MTBP: variants seen among roughly 807,000 people sequenced by gnomAD.
MTBP encodes the protein MDM2 binding protein, also known as mdm2-binding protein.
MTBP carries 101 observed loss-of-function variants against 117.0 expected under a neutral mutation model. That is an observed-to-expected ratio of 0.86 (90% confidence interval 0.73 to 1.02). MTBP has a LOEUF of 1.02. Ranked by LOEUF, MTBP falls within the 50% of genes least tolerant of loss-of-function variation. The pLI is 0.00. For missense variants in MTBP, 970 were observed against 1,030.9 expected (o/e 0.94, Z 0.81); for synonymous variants, 350 against 351.5 (o/e 1.00, Z 0.05).
intron 18 of MTBP, among the ~76,000 whole-genome samples, chr8:120,517,522 A>G (rs759855064): frequency 9.9e-5 from 15 of 152,096 alleles, no homozygotes; most frequent in Admixed American, 6.6e-5. Flanking sequence ...GAACTAAGGA[A>G]CAACTTTATA....
At chr8:120,522,306 C>G (rs111892292) in intron 20 of MTBP, among the ~76,000 whole-genome samples, 9 of 99,584 alleles carry the variant, frequency 9.0e-5, no homozygotes, top group East Asian at 3.2e-4. Flanking sequence ...GAGAGTAATG[C>G]AGCATTAGTG....
Position 120,488,314 on chromosome 8 carries a change from A to G in MTBP, c.1321A>G (p.Thr441Ala), listed in dbSNP as rs73705079. The change falls in exon 12 of 22, where the codon ACA becomes GCA. Residue 441 changes from threonine (T) to alanine (A), a missense_variant. Physicochemically the swap from Thr to Ala is moderately conservative, Grantham distance 58. Transcript: ENST00000305949. ...NLIHGKMKTK[T>A]EEAKLSFPFD... The stretch of plus-strand genomic sequence containing the variant: ...AATTCATGGAAAGATGAAAACAAAG[A>G]CAGAAGAAGCCAAATTGAGTAAGTG... 2,247 of 1,553,020 alleles carry G rather than the reference A, an allele frequency of 1.4e-3. 19 individuals are homozygous for G. In the African/African-American group the frequency reaches 0.021, roughly 15 times the overall value.
intron 10 of MTBP, among the ~76,000 whole-genome samples, chr8:120,469,262 T>C (rs1586947140): frequency 6.6e-6 from 1 of 151,646 alleles, no homozygotes; most frequent in Non-Finnish European, 1.5e-5. Context: ...GCCAGGGTGG[T>C]CTCGAACTCC....
chr8:120,479,749 C>T (rs984778244), intron 11 of MTBP, among the ~76,000 whole-genome samples: 1 of 151,716 alleles, frequency 6.6e-6, no homozygotes, highest in East Asian at 1.9e-4. Context: ...ACCTATAGGT[C>T]AAAGAAAAAA....
At chr8:120,478,247 C>A (rs956786132) in intron 11 of MTBP, among the ~76,000 whole-genome samples, 1 of 151,898 alleles carries the variant, frequency 6.6e-6, no homozygotes, top group African/African-American at 2.4e-5. Context: ...ATACTGGGGC[C>A]TGTCAGGGTA....
chr8:120,514,626 C>G (rs1161174900), intron 17 of MTBP, among the ~76,000 whole-genome samples: 2 of 152,052 alleles, frequency 1.3e-5, no homozygotes, highest in Non-Finnish European at 2.9e-5. Flanking sequence ...AAGTCAGGCT[C>G]TGAAGTCACC....
At chr8:120,470,006 G>A (rs1813786040) in intron 10 of MTBP, among the ~76,000 whole-genome samples, 1 of 152,068 alleles carries the variant, frequency 6.6e-6, no homozygotes. Flanking sequence ...AAGATCTTTG[G>A]CAAATGCTTT....
rs2130529357 is a variant in MTBP at position 120,461,152 on chromosome 8, CT to C, written c.883-5del. On this transcript the variant is annotated splice_region_variant and splice_polypyrimidine_tract_variant and intron_variant, in intron 8 of 21. Transcript: ENST00000305949. ...TTTAAATATTACACAATTTTAATTT[CT>C]TTTCTAGGTTTTCCATTATTATGGC... 5 of 1,539,560 alleles carry C rather than the reference CT, an allele frequency of 3.2e-6. No individual in the cohort carries two copies. In the East Asian group the frequency reaches 1.1e-4, roughly 35 times the overall value.
chr8:120,510,802 C>T (rs1256822597), intron 17 of MTBP, among the ~76,000 whole-genome samples: 2 of 151,610 alleles, frequency 1.3e-5, no homozygotes, highest in African/African-American at 2.4e-5. Context: ...CCTAGCTACT[C>T]AGGATGCTGA....
rs542089065 is a variant in MTBP, at chr8:120,454,211, A to C, written c.484+306A>C. ...CCTGCTACAGACTGTTGCTTTTCAG[A>C]GTATGTTCTATAGAAGACTAATCCT... On this transcript the variant is annotated intron_variant, in intron 5 of 21. Transcript: ENST00000305949. Among the ~76,000 whole-genome samples the C allele has an allele frequency of 3.3e-5, 5 of 152,222 alleles. 1 individual carries two copies. Among genetic ancestry groups the C allele is most frequent in the African/African-American group, 9.6e-5 (4 of 41,562 alleles).
rs1195897392 is a variant in MTBP at position 120,501,843 on chromosome 8, T to C, written c.1610-649T>C. Among the ~76,000 whole-genome samples the C allele has an allele frequency of 3.3e-5, 5 of 152,166 alleles. No individual in the cohort carries two copies. In the East Asian group the frequency reaches 9.6e-4, roughly 29 times the overall value. On this transcript the variant is annotated intron_variant, in intron 14 of 21. Transcript: ENST00000305949. ...AGAAACTGTCCCTTTAGGTTTTCAT[T>C]GAAAATCCCAATATTAACAGCAATC... is the stretch of plus-strand genomic sequence containing the variant.
chr8:120,463,548 A>G (rs1172568196), intron 9 of MTBP, 144 bp from the exon 10 acceptor site: 5 of 564,046 alleles, frequency 8.9e-6, no homozygotes, highest in Non-Finnish European at 3.1e-6. Context: ...CCTTAGGGAA[A>G]GGCGTAATTG....
At position 120,523,072 on chromosome 8, in the gene MTBP, G is replaced by C. The variant is rs1815032932; in HGVS notation, c.2677-226G>C. Reference sequence around the variant, plus strand: ...CATATAAAGGTGAGAAAATGGAGCAGAATCTTCATTTCATCCAGTGAGAAC... The same window carrying C: ...CATATAAAGGTGAGAAAATGGAGCACAATCTTCATTTCATCCAGTGAGAAC... On this transcript the variant is annotated intron_variant, in intron 21 of 21. Coordinates refer to ENST00000305949, the MANE Select transcript of MTBP (RefSeq NM_022045.5). 2.0e-5 allele frequency among the ~76,000 whole-genome samples: 3 copies of C among 152,266 alleles called. No individual in the cohort carries two copies. The South Asian group carries it at 6.2e-4, about 32-fold the overall frequency.
Position 120,497,520 on chromosome 8 carries a change from G to A in MTBP, c.1575G>A (p.Lys525=), listed in dbSNP as rs1266392931. The change falls in exon 14 of 22, where the codon AAG becomes AAA. Residue 525 remains lysine (K), a synonymous_variant. Coordinates refer to ENST00000305949, the MANE Select transcript of MTBP (RefSeq NM_022045.5). ...TGATTCCTAAAATGATTCTAAGAAAGATGGACAAAATTAAAACCTTCAATA... is the reference window on the plus strand; with the variant it reads ...TGATTCCTAAAATGATTCTAAGAAAAATGGACAAAATTAAAACCTTCAATA... The part of the protein sequence containing the change: ...DAVIPKMILR[K]MDKIKTFNIL... The A allele has an allele frequency of 1.3e-6, 2 of 1,563,258 alleles. No individual in the cohort carries two copies. Among genetic ancestry groups the A allele is most frequent in the Non-Finnish European group, 1.8e-6 (2 of 1,142,408 alleles).
At chr8:120,504,354 A>T (rs1292409228) in intron 15 of MTBP, among the ~76,000 whole-genome samples, 3 of 152,130 alleles carry the variant, frequency 2.0e-5, no homozygotes, top group Non-Finnish European at 4.4e-5. Flanking sequence ...TCTAAACCTT[A>T]TGCTATTTGC....
intron 11 of MTBP, among the ~76,000 whole-genome samples, chr8:120,483,854 T>G (rs1814151562): frequency 6.6e-6 from 1 of 152,118 alleles, no homozygotes; most frequent in Admixed American, 6.5e-5. Flanking sequence ...AGACTTTTTT[T>G]TAGTAATCAT....
chr8:120,497,576 A>G, intron 14 of MTBP, 22 bp downstream of exon 14: 1 of 1,295,298 alleles, frequency 7.7e-7, no homozygotes, highest in Non-Finnish European at 1.0e-6. Context: ...ATTACTTTAA[A>G]TTTTAGTTCG....
intron 9 of MTBP, 147 bp from the exon 10 acceptor site, chr8:120,463,545 G>A (rs1352839566): frequency 3.6e-6 from 2 of 555,950 alleles, no homozygotes; most frequent in Non-Finnish European, 6.2e-6. Flanking sequence ...TATCCTTAGG[G>A]AAAGGCGTAA....
intron 10 of MTBP, among the ~76,000 whole-genome samples, chr8:120,465,458 G>A (rs1047142886): frequency 1.3e-5 from 2 of 152,042 alleles, no homozygotes; most frequent in African/African-American, 4.8e-5. Context: ...AAACTACCAA[G>A]TATGATATAA....
Sources: gnomAD v4.1 joint callset for allele counts (sites outside exome capture counted in the v4.1 genomes callset) on GRCh38, gnomAD v4.1.1 for gene constraint, MANE v1.5 for transcripts, NCBI Gene and HGNC (gene_info 2026-07-23, HGNC 2026-07-21) for gene names.